NXPE2: variants seen among roughly 807,000 people sequenced by gnomAD.
NXPE2 encodes NXPE family member 2.
In NXPE2, 34 loss-of-function variants were observed where a neutral mutation model predicts 34.4. That is an observed-to-expected ratio of 0.99 (90% CI 0.75 to 1.31). The LOEUF is 1.31. Among genes scored for constraint, NXPE2 ranks in the 40% most tolerant of loss-of-function variants. The pLI is 0.00. For missense variants in NXPE2, 649 were observed against 672.5 expected, an observed-to-expected ratio of 0.97 and a Z score of 0.39; for synonymous variants, 235 against 231.3, an observed-to-expected ratio of 1.02 and a Z score of -0.15.
the NXPE2 span, chr11:114,582,633 G>T: frequency 6.2e-7 from 1 of 1,614,164 alleles, no homozygotes; most frequent in Admixed American, 1.7e-5. Flanking sequence ...GACCAGGTAG[G>T]TGCCGTTGTT....
the NXPE2 span, among the ~76,000 whole-genome samples, chr11:114,518,879 A>T: frequency 2.0e-5 from 3 of 149,920 alleles, no homozygotes; most frequent in Admixed American, 6.6e-5. Flanking sequence ...TTGAACATTT[A>T]CATATTCATG....
At chr11:114,566,269 A>G in the NXPE2 span, among the ~76,000 whole-genome samples, 1 of 152,194 alleles carries the variant, frequency 6.6e-6, no homozygotes, top group Non-Finnish European at 1.5e-5. Flanking sequence ...GCATATAGAT[A>G]GAGCAAAGTG....
chr11:114,534,182 A>C, the NXPE2 span, among the ~76,000 whole-genome samples: 1 of 152,206 alleles, frequency 6.6e-6, no homozygotes, highest in East Asian at 1.9e-4. Context: ...CAAGGTCTGG[A>C]GTGGACCTCC....
chr11:114,544,935 C>T, the NXPE2 span, among the ~76,000 whole-genome samples: 2 of 152,036 alleles, frequency 1.3e-5, no homozygotes, highest in African/African-American at 4.8e-5. Context: ...AAAGAAGAGA[C>T]ACGCATTACA....
chr11:114,761,825 C>T, the NXPE2 span, among the ~76,000 whole-genome samples: 16,389 of 151,918 alleles, frequency 0.11, 1,006 homozygotes, highest in Middle Eastern at 0.16. Context: ...CCACCCGCCT[C>T]GGCCTCCCAA....
At chr11:114,655,984 A>T in the NXPE2 span, among the ~76,000 whole-genome samples, 1 of 152,188 alleles carries the variant, frequency 6.6e-6, no homozygotes, top group East Asian at 1.9e-4. Context: ...GAGGAAGTCA[A>T]ATTGTCTCTC....
the NXPE2 span, among the ~76,000 whole-genome samples, chr11:114,746,431 T>G: frequency 6.6e-6 from 1 of 152,200 alleles, no homozygotes; most frequent in Admixed American, 6.5e-5. Flanking sequence ...TCCAGAGAGA[T>G]AAATCATTCA....
At chr11:114,601,506 AATTATAT>A in the NXPE2 span, among the ~76,000 whole-genome samples, 1 of 19,844 alleles carries the variant, frequency 5.0e-5, no homozygotes, top group Admixed American at 7.0e-4. Flanking sequence ...ATAGTATATA[AATTATAT>A]ATTATATATT....
the NXPE2 span, among the ~76,000 whole-genome samples, chr11:114,801,220 C>T: frequency 1.3e-5 from 2 of 152,148 alleles, no homozygotes; most frequent in African/African-American, 4.8e-5. Context: ...TGATAAGATA[C>T]TTAACCTAGT....
chr11:114,696,030 AAAGAAG>A (rs903645155), intron 2 of NXPE2, among the ~76,000 whole-genome samples: 1 of 151,444 alleles, frequency 6.6e-6, no homozygotes, highest in South Asian at 2.1e-4. Flanking sequence ...TTAAGAAAAA[AAAGAAG>A]AAGAAGAAGA....
intron 2 of NXPE2, among the ~76,000 whole-genome samples, chr11:114,682,822 G>A (rs960054363): frequency 6.6e-6 from 1 of 150,396 alleles, no homozygotes; most frequent in African/African-American, 2.4e-5. Flanking sequence ...GCTAGCATAA[G>A]GCCACAAGAA....
the NXPE2 span, among the ~76,000 whole-genome samples, chr11:114,619,111 A>G: frequency 5.3e-5 from 8 of 152,090 alleles, no homozygotes; most frequent in African/African-American, 9.6e-5. Flanking sequence ...CACTGTGGAT[A>G]ATAAGTGTTG....
At chr11:114,485,239 TACTC>T in the NXPE2 span, among the ~76,000 whole-genome samples, 116 of 152,152 alleles carry the variant, frequency 7.6e-4, no homozygotes, top group African/African-American at 2.7e-3. Context: ...GACAGTCTCT[TACTC>T]TGTTGCCCAG....
the NXPE2 span, among the ~76,000 whole-genome samples, chr11:114,469,008 A>G: frequency 6.6e-6 from 1 of 152,176 alleles, no homozygotes; most frequent in East Asian, 1.9e-4. Flanking sequence ...AAAATTCACA[A>G]TGAAAATAGT....
the NXPE2 span, among the ~76,000 whole-genome samples, chr11:114,561,845 A>G: frequency 1.3e-5 from 2 of 152,138 alleles, no homozygotes; most frequent in African/African-American, 2.4e-5. Context: ...CATAATTTTG[A>G]TCACACTTTC....
chr11:114,713,901 G>T, the NXPE2 span, among the ~76,000 whole-genome samples: 1 of 152,168 alleles, frequency 6.6e-6, no homozygotes, highest in Non-Finnish European at 1.5e-5. Context: ...TGTACAGCAT[G>T]AGTTTTCAAT....
intron 2 of NXPE2, among the ~76,000 whole-genome samples, chr11:114,692,407 G>A (rs906899331): frequency 2.0e-5 from 3 of 152,158 alleles, no homozygotes; most frequent in African/African-American, 4.8e-5. Context: ...CTACAGCCAT[G>A]TCTACAGATC....
the NXPE2 span, chr11:114,551,967 C>T: frequency 2.0e-5 from 3 of 152,174 alleles, no homozygotes; most frequent in Non-Finnish European, 4.4e-5. Flanking sequence ...GCCTCTTTGT[C>T]CCTTACCAAA....
At chr11:114,627,722 G>C in the NXPE2 span, among the ~76,000 whole-genome samples, 2 of 152,072 alleles carry the variant, frequency 1.3e-5, no homozygotes, top group African/African-American at 4.8e-5. Context: ...GACACAGATT[G>C]GCAAATTGGT....
Sources: allele counts gnomAD v4.1 joint callset (sites outside exome capture counted in the v4.1 genomes callset), GRCh38; gene constraint gnomAD v4.1.1; transcripts MANE v1.5; gene names NCBI Gene and HGNC (gene_info 2026-07-23, HGNC 2026-07-21).